Variants in PLD1 observed in about 807,000 individuals in gnomAD.
The protein encoded by PLD1 is phospholipase D1.
A neutral mutation model predicts 137.1 loss-of-function variants in PLD1; 112 were observed. That is an observed-to-expected ratio of 0.82 (90% CI 0.70 to 0.96). The LOEUF (loss-of-function observed/expected upper bound fraction) is 0.96. PLD1 is among the 40% of genes least tolerant of loss of function. The pLI is 0.00. For synonymous variants in PLD1, 431 were observed against 454.7 expected, an observed-to-expected ratio of 0.95 and a Z score of 0.66; for missense variants, 1,321 against 1,342.0, an observed-to-expected ratio of 0.98 and a Z score of 0.24.
chr3:171,717,158 TC>T (rs1717743547), intron 8 of PLD1, among the ~76,000 whole-genome samples: 1 of 152,248 alleles, frequency 6.6e-6, no homozygotes, highest in African/African-American at 2.4e-5. Flanking sequence ...CCAGCTTTGT[TC>T]TTTTTGCTTG....
chr3:171,652,764 C>CTTT (rs1489326458), intron 21 of PLD1, among the ~76,000 whole-genome samples: 4 of 112,662 alleles, frequency 3.6e-5, no homozygotes, highest in Admixed American at 1.0e-4. Context: ...GCACACTCAG[C>CTTT]TATTTTTTTT....
intron 23 of PLD1, among the ~76,000 whole-genome samples, chr3:171,628,038 C>T (rs1272361118): frequency 2.6e-5 from 4 of 151,296 alleles, no homozygotes; most frequent in Non-Finnish European, 5.9e-5. Flanking sequence ...AATAGAGACA[C>T]AAAAAACCCT....
intron 1 of PLD1, among the ~76,000 whole-genome samples, chr3:171,770,812 C>T (rs948795104): frequency 1.3e-5 from 2 of 149,174 alleles, no homozygotes; most frequent in African/African-American, 5.0e-5. Flanking sequence ...TCGCTTGAGC[C>T]CAAGAGGTTG....
At chr3:171,735,268 C>T (rs375398489) in intron 4 of PLD1, among the ~76,000 whole-genome samples, 3 of 152,236 alleles carry the variant, frequency 2.0e-5, no homozygotes, top group South Asian at 4.1e-4. Flanking sequence ...GGTAGAACTA[C>T]TAACTATCAC....
intron 24 of PLD1, among the ~76,000 whole-genome samples, chr3:171,617,083 C>A (rs1172768890): frequency 6.6e-6 from 1 of 152,024 alleles, no homozygotes; most frequent in East Asian, 1.9e-4. Flanking sequence ...AAAAACAAAA[C>A]CAAAAAAACC....
At chr3:171,777,183 A>T (rs1047430904) in intron 1 of PLD1, among the ~76,000 whole-genome samples, 1 of 152,110 alleles carries the variant, frequency 6.6e-6, no homozygotes, top group African/African-American at 2.4e-5. Context: ...TTTCTTTTTT[A>T]AATAAGGAGC....
intron 19 of PLD1, among the ~76,000 whole-genome samples, chr3:171,669,470 C>T (rs1438155064): frequency 2.0e-5 from 3 of 152,056 alleles, no homozygotes; most frequent in African/African-American, 7.3e-5. Flanking sequence ...GGTGTAATCT[C>T]GGCTCACTGC....
At chr3:171,652,396 G>C (rs969296626) in intron 21 of PLD1, among the ~76,000 whole-genome samples, 6 of 142,336 alleles carry the variant, frequency 4.2e-5, no homozygotes, top group African/African-American at 1.3e-4. Context: ...CTCGGCGACA[G>C]AGTGAGACTC....
chr3:171,662,271 T>A, intron 19 of PLD1, 101 bp from the exon 20 acceptor site: 1 of 680,178 alleles, frequency 1.5e-6, no homozygotes, highest in Non-Finnish European at 2.6e-6. Flanking sequence ...GACGACTGAA[T>A]GATTACAGTG....
Position 171,605,294 on chromosome 3 carries a change from T to G in PLD1, c.3000+5A>C, listed in dbSNP as rs779825796. The G allele has an allele frequency of 2.0e-6, 3 of 1,533,368 alleles. No homozygotes were observed. Among genetic ancestry groups the G allele is most frequent in the Non-Finnish European group, 9.0e-7 (1 of 1,106,318 alleles). The allele number at this position is 1,533,368 out of a possible 1,614,324, so 95.0% of individuals were successfully genotyped here. On this transcript the variant is annotated splice_donor_5th_base_variant and intron_variant, in intron 26 of 26. Transcript: ENST00000351298. ...AAACGGAGGAGGGGAATACGTGAAC[T>G]TCACCTTGTCATAAATTGTAGCATT...
At position 171,601,346 on chromosome 3, in the gene PLD1, A is replaced by G. The variant is rs1578074033; in HGVS notation, c.*1732T>C. On this transcript the variant is annotated 3_prime_UTR_variant, in exon 27 of 27. Transcript: ENST00000351298. ...GGTTTAAAAAATATTTAAATATAAA[A>G]TCTAAGAAATCCTTAGAGATCCCAT... The G allele has an allele frequency of 6.6e-6, 1 of 152,276 alleles. No individual in the cohort carries two copies. The highest frequency in any genetic ancestry group is 1.9e-4 in the East Asian group (1 of 5,186). The allele number at this position is 152,276 out of a possible 1,614,324, so 9.4% of individuals were successfully genotyped here.
At chr3:171,735,952 G>T in intron 3 of PLD1, among the ~76,000 whole-genome samples, 1 of 152,174 alleles carries the variant, frequency 6.6e-6, no homozygotes, top group East Asian at 1.9e-4. Context: ...AGGTGGAGGA[G>T]ACAATGAGAA....
intron 24 of PLD1, among the ~76,000 whole-genome samples, chr3:171,617,056 TA>T (rs1733174038): frequency 6.6e-6 from 1 of 152,128 alleles, no homozygotes. Flanking sequence ...GGAAGCTTTT[TA>T]AAAAATACTG....
chr3:171,674,979 CAAAAA>C (rs376402019), intron 18 of PLD1, among the ~76,000 whole-genome samples: 130 of 75,024 alleles, frequency 1.7e-3, no homozygotes, highest in Non-Finnish European at 2.6e-3. Context: ...ATCTCCATCT[CAAAAA>C]AAAAAAAAAA....
In PLD1 at chr3:171,738,036, C is replaced by T. The variant is rs376467720; in HGVS notation, c.16G>A (p.Glu6Lys). The change falls in exon 2 of 27, where the codon GAG becomes AAG. Residue 6 changes from glutamate (E) to lysine (K), a missense_variant. By Grantham distance (56) the Glu-to-Lys change is moderately conservative (BLOSUM62 1). Coordinates refer to ENST00000351298, the MANE Select transcript of PLD1 (RefSeq NM_002662.5). ...AGTGCAGAGGTATTTACCCGTGGCT[C>T]GTTTTTCAGTGACATGTTAACTTTG... MSLKN[E>K]PRVNTSALQK... The T allele has an allele frequency of 1.5e-4, 234 of 1,612,380 alleles. 4 individuals carry two copies. The South Asian group carries it at 2.1e-3, about 14-fold the overall frequency.
At chr3:171,651,765 A>T (rs184105767) in intron 21 of PLD1, among the ~76,000 whole-genome samples, 1,937 of 152,200 alleles carry the variant, frequency 0.013, 12 homozygotes, top group Non-Finnish European at 0.019. Context: ...TGGCCCCCAA[A>T]TGAGGTTATA....
intron 21 of PLD1, chr3:171,654,376 CAT>C (rs2108414102): frequency 4.2e-6 from 1 of 240,114 alleles, no homozygotes; most frequent in South Asian, 4.0e-5. Context: ...AGTTTAATAG[CAT>C]ATTTTTAATG....
At chr3:171,778,705 G>C (rs1412514434) in intron 1 of PLD1, among the ~76,000 whole-genome samples, 2 of 152,228 alleles carry the variant, frequency 1.3e-5, no homozygotes, top group Non-Finnish European at 2.9e-5. Context: ...AGTCAGTGCT[G>C]TGAAAGAAAG....
At position 171,641,834 on chromosome 3, in the gene PLD1, G is replaced by A. The variant is rs373850051; in HGVS notation, c.2593+1006C>T. Reference sequence around the variant, plus strand: ...ACAGTAAATGAATCTTCATATAAACGTCAGTTTGATGAATTTGCTCCAGGG... The same window carrying A: ...ACAGTAAATGAATCTTCATATAAACATCAGTTTGATGAATTTGCTCCAGGG... On this transcript the variant is annotated intron_variant, in intron 23 of 26. Coordinates refer to ENST00000351298, the MANE Select transcript of PLD1 (RefSeq NM_002662.5). Among the ~76,000 whole-genome samples the A allele has an allele frequency of 7.9e-5, 12 of 152,110 alleles. No homozygotes were observed. In the South Asian group the frequency reaches 2.5e-3, roughly 32 times the overall value.
Sources: gnomAD v4.1 joint callset for allele counts (sites outside exome capture counted in the v4.1 genomes callset) on GRCh38, gnomAD v4.1.1 for gene constraint, MANE v1.5 for transcripts, NCBI Gene and HGNC (gene_info 2026-07-23, HGNC 2026-07-21) for gene names.